The following PDGFRL variants were observed in gnomAD, a reference collection of about 807,000 sequenced individuals.
PDGFRL encodes platelet derived growth factor receptor like, also known as platelet-derived growth factor receptor-like protein.
Under a neutral mutation model 37.2 loss-of-function variants are expected in PDGFRL, and 46 were observed. The ratio of observed to expected loss-of-function variants is 1.24; its 90% CI spans 0.98 to 1.58. The LOEUF (loss-of-function observed/expected upper bound fraction) is 1.58, where lower values mean the gene tolerates loss of function less well. PDGFRL is among the 40% of genes most tolerant of loss of function. The pLI is 0.00. For missense variants in PDGFRL, 692 were observed against 467.6 expected (o/e 1.48, Z -4.43); for synonymous variants, 251 against 184.3 (o/e 1.36, Z -2.93).
chr8:17,627,193 G>A (rs754175872), intron 3 of PDGFRL, among the ~76,000 whole-genome samples: 15 of 152,106 alleles, frequency 9.9e-5, no homozygotes, highest in Admixed American at 7.2e-4. Context: ...ATGGTTTCAA[G>A]GTTTTACAAC....
chr8:17,589,175 C>T (rs1301100568), intron 1 of PDGFRL, among the ~76,000 whole-genome samples: 1 of 151,988 alleles, frequency 6.6e-6, no homozygotes, highest in East Asian at 1.9e-4. Context: ...GTCAGGACTT[C>T]GAGACCAGCC....
At chr8:17,623,832 C>T (rs1804681592) in intron 3 of PDGFRL, among the ~76,000 whole-genome samples, 1 of 150,152 alleles carries the variant, frequency 6.7e-6, no homozygotes, top group Non-Finnish European at 1.5e-5. Context: ...CAAGATTGCG[C>T]CACTGCACTC....
chr8:17,609,506 C>A lies in PDGFRL; in HGVS notation c.354-11545C>A, dbSNP rs532681393. 6.7e-4 allele frequency among the ~76,000 whole-genome samples: 101 copies of A among 150,694 alleles called. No homozygotes were observed. The South Asian group carries it at 9.7e-3, about 15-fold the overall frequency. Reference sequence around the variant, plus strand: ...AAAAAAAATTACCTGGGTGTGGTGGCGTGCACCTGTAATCCTAGCTACTCA... The same window carrying A: ...AAAAAAAATTACCTGGGTGTGGTGGAGTGCACCTGTAATCCTAGCTACTCA... On this transcript the variant is annotated intron_variant, in intron 2 of 5. Transcript: ENST00000251630.
At chr8:17,620,241 C>T (rs1034886101) in intron 2 of PDGFRL, among the ~76,000 whole-genome samples, 21 of 152,164 alleles carry the variant, frequency 1.4e-4, no homozygotes, top group African/African-American at 5.1e-4. Context: ...GGATTATAGG[C>T]ATGAACCACT....
intron 1 of PDGFRL, among the ~76,000 whole-genome samples, chr8:17,581,366 G>A (rs971457579): frequency 1.8e-4 from 28 of 152,260 alleles, no homozygotes; most frequent in African/African-American, 6.5e-4. Context: ...AGCCTTGTAG[G>A]GCATGGGAAG....
intron 2 of PDGFRL, among the ~76,000 whole-genome samples, chr8:17,594,579 G>A (rs1481483767): frequency 6.6e-6 from 1 of 151,070 alleles, no homozygotes; most frequent in Non-Finnish European, 1.5e-5. Context: ...TTTTGAGATG[G>A]AGTCTTGCTC....
intron 2 of PDGFRL, among the ~76,000 whole-genome samples, chr8:17,597,442 C>T (rs1160183909): frequency 6.6e-6 from 1 of 152,180 alleles, no homozygotes; most frequent in African/African-American, 2.4e-5. Context: ...TGACACTCAC[C>T]TACAAAAGCA....
chr8:17,616,707 T>A (rs889540499), intron 2 of PDGFRL, among the ~76,000 whole-genome samples: 1 of 152,148 alleles, frequency 6.6e-6, no homozygotes, highest in Non-Finnish European at 1.5e-5. Context: ...TCCTCGGAGT[T>A]CTCATGGCAT....
intron 5 of PDGFRL, among the ~76,000 whole-genome samples, chr8:17,638,432 T>G (rs1445933491): frequency 6.6e-6 from 1 of 152,090 alleles, no homozygotes; most frequent in Non-Finnish European, 1.5e-5. Flanking sequence ...TCAGTTTTCT[T>G]AAATTTATTG....
intron 2 of PDGFRL, among the ~76,000 whole-genome samples, chr8:17,596,721 A>G (rs79987172): frequency 0.011 from 1,602 of 152,212 alleles, 22 homozygotes; most frequent in African/African-American, 0.036. Flanking sequence ...GAAGAAAGTA[A>G]TGACAGATGT....
At chr8:17,626,281 T>C (rs1237796675) in intron 3 of PDGFRL, among the ~76,000 whole-genome samples, 1 of 152,224 alleles carries the variant, frequency 6.6e-6, no homozygotes, top group East Asian at 1.9e-4. Context: ...TCATGAACAT[T>C]AGGCATGACG....
At chr8:17,623,918 C>G (rs1435854461) in intron 3 of PDGFRL, among the ~76,000 whole-genome samples, 1 of 150,112 alleles carries the variant, frequency 6.7e-6, no homozygotes, top group Non-Finnish European at 1.5e-5. Flanking sequence ...GAGGCGGAAC[C>G]TTTTTGTTTT....
intron 5 of PDGFRL, among the ~76,000 whole-genome samples, chr8:17,640,406 C>G (rs1805066854): frequency 1.3e-5 from 2 of 152,104 alleles, no homozygotes; most frequent in African/African-American, 4.8e-5. Context: ...TTTGGGTAGA[C>G]TATGGTAGAG....
intron 2 of PDGFRL, among the ~76,000 whole-genome samples, chr8:17,608,529 A>G (rs1804334502): frequency 6.6e-6 from 1 of 152,232 alleles, no homozygotes; most frequent in Non-Finnish European, 1.5e-5. Flanking sequence ...GCACTGTCCC[A>G]TACAAGAGCC....
intron 2 of PDGFRL, among the ~76,000 whole-genome samples, chr8:17,602,377 G>T (rs1804184104): frequency 6.6e-6 from 1 of 152,186 alleles, no homozygotes; most frequent in African/African-American, 2.4e-5. Flanking sequence ...AGGCAGAGCG[G>T]CTGCCCCACT....
At chr8:17,578,262 T>C (rs151050240) in intron 1 of PDGFRL, among the ~76,000 whole-genome samples, 3 of 152,214 alleles carry the variant, frequency 2.0e-5, no homozygotes, top group African/African-American at 7.2e-5. Context: ...TTTGCTGTTA[T>C]GCAACTTCAT....
intron 1 of PDGFRL, among the ~76,000 whole-genome samples, chr8:17,578,012 C>A (rs900782236): frequency 6.6e-6 from 1 of 151,698 alleles, no homozygotes; most frequent in Non-Finnish European, 1.5e-5. Flanking sequence ...TCCACCCTGT[C>A]GTGTACACCC....
chr8:17,627,951 C>T (rs1166359229), intron 3 of PDGFRL, among the ~76,000 whole-genome samples: 2 of 147,122 alleles, frequency 1.4e-5, no homozygotes, highest in African/African-American at 5.1e-5. Context: ...TGGGCGTCAT[C>T]TGGGCTTGTA....
intron 1 of PDGFRL, among the ~76,000 whole-genome samples, chr8:17,579,585 T>C (rs1002346984): frequency 6.7e-6 from 1 of 149,624 alleles, no homozygotes; most frequent in Non-Finnish European, 1.5e-5. Flanking sequence ...TTATTATTAT[T>C]GAGATGGAGT....
Sources: gnomAD v4.1 joint callset for allele counts (sites outside exome capture counted in the v4.1 genomes callset) on GRCh38, gnomAD v4.1.1 for gene constraint, MANE v1.5 for transcripts, NCBI Gene and HGNC (gene_info 2026-07-23, HGNC 2026-07-21) for gene names.